The following HSF1 variants were observed in gnomAD, a reference collection of about 807,000 sequenced individuals.
The protein encoded by HSF1 is heat shock factor protein 1.
HSF1 carries 32 observed loss-of-function variants against 51.7 expected under a neutral mutation model. The ratio of observed to expected loss-of-function variants is 0.62; its 90% confidence interval spans 0.47 to 0.83. The LOEUF is 0.83. Among genes scored for constraint, HSF1 ranks in the 40% least tolerant of loss-of-function variants. HSF1 has a pLI of 0.00. For missense variants in HSF1, 727 were observed against 717.0 expected, an observed-to-expected ratio of 1.01 and a Z score of -0.16; for synonymous variants, 396 against 309.7, an observed-to-expected ratio of 1.28 and a Z score of -2.92.
rs1484412528 is a variant in HSF1 at position 144,291,674 on chromosome 8, G to A, written c.-84G>A. ...GCGCAGCGGGCGGCGGCGCGGCCCGGAAGGCTGGCGCGGCGACGGCGTTAG... is the reference window on the plus strand; with the variant it reads ...GCGCAGCGGGCGGCGGCGCGGCCCGAAAGGCTGGCGCGGCGACGGCGTTAG... On this transcript the variant is annotated 5_prime_UTR_variant, in exon 1 of 13. Coordinates refer to ENST00000528838, the MANE Select transcript of HSF1 (RefSeq NM_005526.4). The surrounding 1 kb of genome is among the most constrained non-coding windows in gnomAD (Gnocchi z 4.1). 6.4e-6 allele frequency: 5 copies of A among 786,228 alleles called. No individual in the cohort carries two copies. The Admixed American group carries it at 2.0e-4, about 32-fold the overall frequency. 48.7% of individuals were successfully genotyped at this position (786,228 alleles called of 1,614,324 possible). A position where few individuals can be genotyped will look rare whatever the true frequency, so the allele number is the denominator to read the frequency against.
intron 1 of HSF1, among the ~76,000 whole-genome samples, chr8:144,304,008 TG>T (rs1193647758): frequency 4.6e-5 from 7 of 151,818 alleles, no homozygotes; most frequent in Admixed American, 1.3e-4. Flanking sequence ...TTGGGCAAGG[TG>T]GAGGAAGGGA....
At chr8:144,295,643 T>C (rs1189544803) in intron 1 of HSF1, among the ~76,000 whole-genome samples, 2 of 151,874 alleles carry the variant, frequency 1.3e-5, no homozygotes, top group East Asian at 3.9e-4. Context: ...AGCCTCTGCC[T>C]CCCAGGCTCA....
At chr8:144,303,230 T>C (rs944525053) in intron 1 of HSF1, among the ~76,000 whole-genome samples, 3 of 152,046 alleles carry the variant, frequency 2.0e-5, no homozygotes, top group Admixed American at 6.6e-5. Context: ...TTTGGGGTTT[T>C]TGAGTAGTGG....
At chr8:144,311,662 C>T (rs1816670960) in intron 7 of HSF1, 38 bp from the exon 8 acceptor site, 1 of 1,610,478 alleles carries the variant, frequency 6.2e-7, no homozygotes, top group Admixed American at 1.7e-5. Flanking sequence ...TGGGTTGCCC[C>T]TGCCGGCACT....
chr8:144,296,916 G>T (rs782228415), intron 1 of HSF1, among the ~76,000 whole-genome samples: 1 of 118,468 alleles, frequency 8.4e-6, no homozygotes, highest in Non-Finnish European at 1.8e-5. Context: ...CCTCTGCCCC[G>T]GATGGTGTGG....
intron 1 of HSF1, among the ~76,000 whole-genome samples, chr8:144,304,397 C>G (rs139801609): frequency 6.6e-6 from 1 of 152,304 alleles, no homozygotes; most frequent in East Asian, 1.9e-4. Flanking sequence ...CATTGCTGTT[C>G]CAGAAGTGGA....
chr8:144,307,704 C>T lies in HSF1; in HGVS notation c.118-1202C>T, dbSNP rs559215632. ...TCGCTTGAACTGGGAGGCTGAGGCA[C>T]GAGAATCGCTTGAACTGGGATGCAG... is the stretch of plus-strand genomic sequence containing the variant. On this transcript the variant is annotated intron_variant, in intron 1 of 12. Transcript: ENST00000528838. Among the ~76,000 whole-genome samples, 15 of 151,866 alleles carry T rather than the reference C, an allele frequency of 9.9e-5. 1 individual carries two copies. The highest frequency in any genetic ancestry group is 7.9e-4 in the Admixed American group (12 of 15,246).
chr8:144,304,872 C>T (rs370700696), intron 1 of HSF1, among the ~76,000 whole-genome samples: 1 of 150,732 alleles, frequency 6.6e-6, no homozygotes, highest in South Asian at 2.1e-4. Context: ...CTCCTGACCT[C>T]AAACGATCCA....
At position 144,314,344 on chromosome 8, in the gene HSF1, G is replaced by A. The variant is rs1554846266; in HGVS notation, c.*14G>A. On this transcript the variant is annotated 3_prime_UTR_variant, in exon 13 of 13. Transcript: ENST00000528838. Reference sequence around the variant, plus strand: ...ACTGTCTCCTAGAGGCCCCGGAGGAGCTGGGCCAGCCGCCCACCCCCACCC... The same window carrying A: ...ACTGTCTCCTAGAGGCCCCGGAGGAACTGGGCCAGCCGCCCACCCCCACCC... 1 of 1,539,996 alleles carries A rather than the reference G, an allele frequency of 6.5e-7. No individual in the cohort carries two copies. Among genetic ancestry groups the A allele is most frequent in the Non-Finnish European group, 8.8e-7 (1 of 1,138,614 alleles).
chr8:144,298,549 G>A (rs1168513313), intron 1 of HSF1, among the ~76,000 whole-genome samples: 1 of 150,844 alleles, frequency 6.6e-6, no homozygotes, highest in Non-Finnish European at 1.5e-5. Flanking sequence ...AGGTTGCAGT[G>A]AGCCGAGATT....
chr8:144,296,602 T>C (rs1196970281), intron 1 of HSF1, among the ~76,000 whole-genome samples: 2 of 151,874 alleles, frequency 1.3e-5, no homozygotes, highest in African/African-American at 4.8e-5. Context: ...GTCAGGAGAT[T>C]GAGACCATCC....
At chr8:144,310,053 G>T in intron 4 of HSF1, 157 bp downstream of exon 4, 2 of 859,516 alleles carry the variant, frequency 2.3e-6, no homozygotes, top group Non-Finnish European at 3.5e-6. Context: ...CAGCCCCGCC[G>T]CCCGTGGCTG....
At position 144,301,900 on chromosome 8, in the gene HSF1, G is replaced by A. The variant is rs1232648073; in HGVS notation, c.118-7006G>A. ...AAAAGCATCCAGAAGAGCCGTGCAC[G>A]GTGGTGGTGCCTGTGGTGCCAGCTA... On this transcript the variant is annotated intron_variant, in intron 1 of 12. Transcript: ENST00000528838. Among the ~76,000 whole-genome samples the A allele has an allele frequency of 6.3e-4, 94 of 150,374 alleles. 6 individuals are homozygous for A. The South Asian group carries it at 0.014, about 22-fold the overall frequency.
chr8:144,311,523 CAG>C lies in HSF1; in HGVS notation c.646_647del (p.Ser216TrpfsTer10). ...CCCACAGCCCCCTGATGCTGAACGA[CAG>C]TGGCTCAGCACATTCCATGCCCAAG... ...KRKIPLMLND[S>X]GSAHSMPKYS... is the part of the protein sequence containing the mutation. On this transcript the variant is annotated frameshift_variant, in exon 7 of 13. Transcript: ENST00000528838. LOFTEE classifies it high-confidence loss of function. 6.2e-7 allele frequency: 1 copy of C among 1,613,676 alleles called. No homozygotes were observed. Among genetic ancestry groups the C allele is most frequent in the Non-Finnish European group, 8.5e-7 (1 of 1,179,964 alleles).
At chr8:144,301,855 A>G (rs2130367275) in intron 1 of HSF1, among the ~76,000 whole-genome samples, 1 of 149,266 alleles carries the variant, frequency 6.7e-6, no homozygotes, top group African/African-American at 2.5e-5. Flanking sequence ...ACAAAGCGAG[A>G]CTCCGTCTCA....
chr8:144,312,306 C>T, intron 9 of HSF1, 62 bp downstream of exon 9: 1 of 1,201,876 alleles, frequency 8.3e-7, no homozygotes, highest in Non-Finnish European at 1.2e-6. Context: ...TGGGCTTCAG[C>T]CCCGACTGTC....
Position 144,308,899 on chromosome 8 carries a change from C to T in HSF1, c.118-7C>T. On this transcript the variant is annotated splice_polypyrimidine_tract_variant and splice_region_variant and intron_variant, in intron 1 of 12. Coordinates refer to ENST00000528838, the MANE Select transcript of HSF1 (RefSeq NM_005526.4). ...ACGCGTGACCCACCCATGTGTCTCC[C>T]TTTCAGAGCGGGAACAGCTTCCACG... The T allele has an allele frequency of 6.2e-7, 1 of 1,613,308 alleles. No homozygotes were observed. Among genetic ancestry groups the T allele is most frequent in the Non-Finnish European group, 8.5e-7 (1 of 1,179,258 alleles).
At position 144,312,188 on chromosome 8, in the gene HSF1, C is replaced by CG; in HGVS notation, c.1086_1087insG (p.Ser363ValfsTer9). Reference sequence around the variant, plus strand: ...ACACGGACACCGAGGGCCGGCCTCCCTCCCCCCCGCCCACCTCCACCCCTG... The same window carrying CG: ...ACACGGACACCGAGGGCCGGCCTCCCGTCCCCCCCGCCCACCTCCACCCCTG... On this transcript the variant is annotated frameshift_variant, in exon 9 of 13. Coordinates refer to ENST00000528838, the MANE Select transcript of HSF1 (RefSeq NM_005526.4). LOFTEE classifies it high-confidence loss of function. 6.4e-7 allele frequency: 1 copy of CG among 1,568,550 alleles called. No individual in the cohort carries two copies. Among genetic ancestry groups the CG allele is most frequent in the Non-Finnish European group, 8.7e-7 (1 of 1,145,940 alleles).
At chr8:144,309,997 AGCTCCACCCTCCC>A (rs1448821567) in intron 4 of HSF1, 101 bp downstream of exon 4, 2 of 1,386,048 alleles carry the variant, frequency 1.4e-6, no homozygotes, top group Non-Finnish European at 2.0e-6. Flanking sequence ...CCAGGTGCTC[AGCTCCACCCTCCC>A]GCTCCACGCA....
Sources: allele counts gnomAD v4.1 joint callset (sites outside exome capture counted in the v4.1 genomes callset), GRCh38; gene constraint gnomAD v4.1.1; non-coding constraint Gnocchi (gnomAD v3.1); transcripts MANE v1.5; gene names NCBI Gene and HGNC (gene_info 2026-07-23, HGNC 2026-07-21).